Variants in RGL1 observed in about 807,000 individuals in gnomAD.
RGL1 encodes the protein ral guanine nucleotide dissociation stimulator-like 1.
RGL1 carries 24 observed loss-of-function variants against 95.2 expected under a neutral mutation model. That is an observed-to-expected ratio of 0.25 (90% CI 0.18 to 0.35). The LOEUF (loss-of-function observed/expected upper bound fraction) is 0.35, where lower values mean the gene tolerates loss of function less well. Ranked by LOEUF, RGL1 falls within the 10% of genes least tolerant of loss-of-function variation. The pLI, the probability that RGL1 is intolerant of heterozygous loss-of-function variation, is 1.00. For synonymous variants in RGL1, 329 were observed against 344.9 expected, an observed-to-expected ratio of 0.95 and a Z score of 0.51; for missense variants, 715 against 936.3, an observed-to-expected ratio of 0.76 and a Z score of 3.08.
chr1:183,730,635 T>C (rs921530756), intron 1 of RGL1, among the ~76,000 whole-genome samples: 3 of 152,178 alleles, frequency 2.0e-5, no homozygotes, highest in Non-Finnish European at 4.4e-5. Flanking sequence ...TGCCAGATTT[T>C]AATTTGGAGA....
At chr1:183,657,267 C>G (rs971583670) in intron 1 of RGL1, among the ~76,000 whole-genome samples, 2 of 152,152 alleles carry the variant, frequency 1.3e-5, no homozygotes, top group African/African-American at 4.8e-5. Context: ...TTACAGTTTT[C>G]AGTGTATAAA....
intron 1 of RGL1, among the ~76,000 whole-genome samples, chr1:183,657,882 G>A (rs192311359): frequency 1.2e-4 from 18 of 152,176 alleles, no homozygotes; most frequent in Non-Finnish European, 1.8e-4. Context: ...TTCCACAATC[G>A]TTGAACTAGT....
exon 2 of RGL1, chr1:183,742,150 C>T: frequency 6.2e-7 from 1 of 1,613,942 alleles, no homozygotes; most frequent in Non-Finnish European, 8.5e-7. Flanking sequence ...CTGCCTGCCT[C>T]TTTCAAGATG....
At chr1:183,845,678 T>G (rs958720963) in intron 2 of RGL1, among the ~76,000 whole-genome samples, 5 of 152,202 alleles carry the variant, frequency 3.3e-5, no homozygotes, top group African/African-American at 1.2e-4. Context: ...TGTTGATTGC[T>G]GATGATATTG....
chr1:183,916,257 C>T (rs986679806), intron 15 of RGL1, among the ~76,000 whole-genome samples, 190 bp from the exon 16 acceptor site: 1 of 152,160 alleles, frequency 6.6e-6, no homozygotes, highest in Non-Finnish European at 1.5e-5. Context: ...ACTGAGTCAC[C>T]GATAGGCATC....
At chr1:183,808,270 T>G (rs1293133049) in intron 2 of RGL1, among the ~76,000 whole-genome samples, 1 of 152,234 alleles carries the variant, frequency 6.6e-6, no homozygotes, top group Non-Finnish European at 1.5e-5. Flanking sequence ...CTCAGTGTTC[T>G]CAAATTTATA....
At chr1:183,691,158 T>C (rs918876626) in intron 1 of RGL1, among the ~76,000 whole-genome samples, 3 of 152,234 alleles carry the variant, frequency 2.0e-5, no homozygotes, top group Non-Finnish European at 4.4e-5. Flanking sequence ...TGCCTCATAA[T>C]GAAAAATCTG....
In RGL1 at chr1:183,916,489, G is replaced by T. The variant is rs1206378405; in HGVS notation, c.1792G>T (p.Asp598Tyr). 2.5e-6 allele frequency: 4 copies of T among 1,613,446 alleles called. No individual in the cohort carries two copies. The Admixed American group carries it at 6.7e-5, about 27-fold the overall frequency. Reference sequence around the variant, plus strand: ...ATCCTGTTCTTCTATCCATTCCATGGACACAAATTCCTCAGGGATGTCTTC... The same window carrying T: ...ATCCTGTTCTTCTATCCATTCCATGTACACAAATTCCTCAGGGATGTCTTC... ...SSSCSSIHSM[D>Y]TNSSGMSSLI... Residue 598 changes from aspartate to tyrosine, a missense_variant, in exon 16 of 18, where the codon GAC (aspartate) becomes TAC (tyrosine). By Grantham distance (160) the Asp-to-Tyr change is radical. Coordinates refer to ENST00000360851, the MANE Select transcript of RGL1 (RefSeq NM_001297671.3).
chr1:183,721,463 G>T (rs75223998), intron 1 of RGL1, among the ~76,000 whole-genome samples: 6,130 of 152,136 alleles, frequency 0.04, 154 homozygotes, highest in East Asian at 0.12. Context: ...TCAAGCACAC[G>T]TCCTTATTCA....
chr1:183,924,084 A>T (rs1465239445), intron 17 of RGL1, among the ~76,000 whole-genome samples: 1 of 152,224 alleles, frequency 6.6e-6, no homozygotes, highest in African/African-American at 2.4e-5. Context: ...CTAGAACCAG[A>T]AATGCCATTT....
Position 183,648,304 on chromosome 1 carries a change from T to C in RGL1, c.-33+11803T>C, listed in dbSNP as rs755497122. The C allele has an allele frequency of 2.5e-6, 4 of 1,614,156 alleles. No homozygotes were observed. In the Admixed American group the frequency reaches 6.7e-5, roughly 27 times the overall value. ...GCTGAGGCAGGAAAGTCCATCTCAG[T>C]ATGATAGAGCTGAGAAAAATAAATA... On this transcript the variant is annotated intron_variant, in intron 1 of 18. Coordinates refer to the RGL1 transcript ENST00000304685.
chr1:183,686,599 C>T (rs1256599171), intron 1 of RGL1, among the ~76,000 whole-genome samples: 2 of 152,162 alleles, frequency 1.3e-5, no homozygotes, highest in South Asian at 2.1e-4. Context: ...TTCAGATATA[C>T]ATTAACCATG....
At chr1:183,844,530 GA>G (rs1178752129) in intron 2 of RGL1, among the ~76,000 whole-genome samples, 1 of 152,176 alleles carries the variant, frequency 6.6e-6, no homozygotes, top group East Asian at 1.9e-4. Flanking sequence ...AGATATCATT[GA>G]CTTTGTTGAA....
chr1:183,819,130 A>C (rs926052867), intron 2 of RGL1, among the ~76,000 whole-genome samples: 2 of 152,174 alleles, frequency 1.3e-5, no homozygotes, highest in African/African-American at 4.8e-5. Flanking sequence ...CATGTATCTT[A>C]TTATATCTGG....
intron 2 of RGL1, among the ~76,000 whole-genome samples, chr1:183,843,298 G>C (rs559937543): frequency 9.8e-5 from 15 of 152,314 alleles, no homozygotes; most frequent in African/African-American, 3.6e-4. Context: ...TTAGTCTTCT[G>C]TTAGGTCATA....
In RGL1 at chr1:183,661,712, C is replaced by T. The variant is rs748797231; in HGVS notation, c.-33+25211C>T. Among the ~76,000 whole-genome samples the T allele has an allele frequency of 4.1e-4, 62 of 149,784 alleles. 2 individuals are homozygous for T. The highest frequency in any genetic ancestry group is 1.2e-4 in the Non-Finnish European group (8 of 67,952). On this transcript the variant is annotated intron_variant, in intron 1 of 18. Coordinates refer to the RGL1 transcript ENST00000304685. ...ATCCTCCCTAACTCATTTTATGAGGCCAGCATCATCCTGATATCAAAGCCG... is the reference window on the plus strand; with the variant it reads ...ATCCTCCCTAACTCATTTTATGAGGTCAGCATCATCCTGATATCAAAGCCG...
At chr1:183,687,692 T>C (rs191100421) in intron 1 of RGL1, among the ~76,000 whole-genome samples, 166 of 152,198 alleles carry the variant, frequency 1.1e-3, no homozygotes, top group African/African-American at 3.9e-3. Flanking sequence ...AACAATGATG[T>C]AAAAGGGAAC....
At chr1:183,752,912 A>C (rs1444686210) in intron 2 of RGL1, among the ~76,000 whole-genome samples, 4 of 152,044 alleles carry the variant, frequency 2.6e-5, no homozygotes, top group African/African-American at 9.7e-5. Context: ...AACTGTTTAG[A>C]TCATCTCTAC....
intron 3 of RGL1, among the ~76,000 whole-genome samples, chr1:183,863,224 G>A (rs916010665): frequency 2.0e-5 from 3 of 152,230 alleles, no homozygotes; most frequent in Non-Finnish European, 4.4e-5. Context: ...ATCATTCAGG[G>A]CCTTGTGAGA....
Sources: gnomAD v4.1 joint callset for allele counts (sites outside exome capture counted in the v4.1 genomes callset) on GRCh38, gnomAD v4.1.1 for gene constraint, MANE v1.5 for transcripts, NCBI Gene and HGNC (gene_info 2026-07-23, HGNC 2026-07-21) for gene names.